Variants in ESPNL observed in about 807,000 individuals in gnomAD.
ESPNL encodes espin-like protein.
ESPNL carries 49 observed loss-of-function variants against 46.8 expected under a neutral mutation model. That is an observed-to-expected ratio of 1.05 (90% CI 0.83 to 1.33). The LOEUF (loss-of-function observed/expected upper bound fraction) is 1.33, where lower values mean the gene tolerates loss of function less well. ESPNL is among the 40% of genes most tolerant of loss of function. ESPNL has a pLI of 0.00. For missense variants in ESPNL, 1,540 were observed against 1,436.6 expected, an observed-to-expected ratio of 1.07 and a Z score of -1.16; for synonymous variants, 664 against 662.1, an observed-to-expected ratio of 1.00 and a Z score of -0.04.
At chr2:238,108,483 T>C (rs555540274) in intron 4 of ESPNL, among the ~76,000 whole-genome samples, 10 of 152,320 alleles carry the variant, frequency 6.6e-5, no homozygotes, top group African/African-American at 2.4e-4. Context: ...AGCCATCAGC[T>C]GCTGGCCCTG....
At chr2:238,126,192 GTCTGTGATTGTGTCTC>G (rs1330677300) in intron 6 of ESPNL, among the ~76,000 whole-genome samples, 2 of 145,840 alleles carry the variant, frequency 1.4e-5, no homozygotes, top group Non-Finnish European at 3.0e-5. Context: ...GTGTGATCGT[GTCTGTGATTGTGTCTC>G]TCTGTGATTG....
rs201531710 is a variant in ESPNL at position 238,131,466 on chromosome 2, G to A, written c.2752G>A (p.Gly918Ser). ...VAAGRRAWTD[G>S]FEDIKARFFG... is the part of the protein sequence containing the mutation. ...CGCCGGCCGCCGGGCCTGGACCGACGGCTTCGAGGACATCAAAGCCCGCTT... is the reference window on the plus strand; with the variant it reads ...CGCCGGCCGCCGGGCCTGGACCGACAGCTTCGAGGACATCAAAGCCCGCTT... Residue 918 changes from glycine (G) to serine (S), a missense_variant, in exon 9 of 9, where the codon GGC becomes AGC. Coordinates refer to ENST00000343063, the MANE Select transcript of ESPNL (RefSeq NM_194312.4). The A allele has an allele frequency of 1.5e-4, 240 of 1,611,406 alleles. 1 individual carries two copies. In the Middle Eastern group the frequency reaches 2.5e-3, roughly 17 times the overall value.
Position 238,133,201 on chromosome 2 carries a change from C to G in ESPNL, c.*1469C>G, listed in dbSNP as rs1692382748. 1 of 152,264 alleles carries G rather than the reference C, an allele frequency of 6.6e-6. No individual in the cohort carries two copies. The highest frequency in any genetic ancestry group is 2.4e-5 in the African/African-American group (1 of 41,452). 9.4% of individuals were successfully genotyped at this position (152,264 alleles called of 1,614,324 possible). A position where few individuals can be genotyped will look rare whatever the true frequency, so the allele number is the denominator to read the frequency against. On this transcript the variant is annotated 3_prime_UTR_variant, in exon 9 of 9. Transcript: ENST00000343063. ...AAGGGCCTATCCTGCAGCCGGCCCG[C>G]TCCGGCTTCCTCCACTGCTGAAGAC... is the stretch of plus-strand genomic sequence containing the variant.
chr2:238,101,356 C>G (rs1459848993), intron 1 of ESPNL, among the ~76,000 whole-genome samples: 4 of 152,214 alleles, frequency 2.6e-5, no homozygotes, highest in Non-Finnish European at 5.9e-5. Context: ...TCCCCAGCAC[C>G]TGGCTCGCCA....
At chr2:238,104,518 C>CGCA (rs1039907698) in intron 2 of ESPNL, 138 bp from the exon 3 acceptor site, 7 of 1,017,452 alleles carry the variant, frequency 6.9e-6, no homozygotes, top group Middle Eastern at 3.3e-4. Flanking sequence ...GGGGGAACCC[C>CGCA]GCAGCAGCAG....
At chr2:238,129,300 T>C (rs1688730325) in intron 8 of ESPNL, 2 of 1,038,344 alleles carry the variant, frequency 1.9e-6, no homozygotes, top group Non-Finnish European at 2.3e-6. Context: ...GGGACTATGA[T>C]ATATGGGTGC....
At chr2:238,125,098 A>T (rs1692074363) in intron 5 of ESPNL, among the ~76,000 whole-genome samples, 172 bp from the exon 6 acceptor site, 1 of 152,112 alleles carries the variant, frequency 6.6e-6, no homozygotes, top group Non-Finnish European at 1.5e-5. Context: ...TGACCCTGGG[A>T]CAGAACCCTG....
chr2:238,108,206 A>G, intron 4 of ESPNL, among the ~76,000 whole-genome samples: 1 of 152,192 alleles, frequency 6.6e-6, no homozygotes, highest in Admixed American at 6.5e-5. Context: ...CCCTTCGCGC[A>G]GAAACTCCCT....
At chr2:238,102,573 C>T (rs1053736716) in intron 2 of ESPNL, among the ~76,000 whole-genome samples, 1 of 152,180 alleles carries the variant, frequency 6.6e-6, no homozygotes, top group Non-Finnish European at 1.5e-5. Flanking sequence ...GCTGCCTCTG[C>T]ACTGCCCCAC....
rs778992263 is a variant in ESPNL at position 238,130,171 on chromosome 2, G to A, written c.1457G>A (p.Arg486Lys). ...GGCCCCACGGAGCAGGCGGCCTGGA[G>A]GTACTCACAGACTCATCAGGCCATC... Reference protein sequence around the residue: ...SSGPTEQAAWRYSQTHQAILG... With the variant: ...SSGPTEQAAWKYSQTHQAILG... Residue 486 changes from arginine to lysine, a missense_variant, in exon 9 of 9, where the codon AGG becomes AAG. Transcript: ENST00000343063. 4.3e-6 allele frequency: 7 copies of A among 1,612,968 alleles called. No individual in the cohort carries two copies. The highest frequency in any genetic ancestry group is 1.7e-4 in the Middle Eastern group (1 of 6,048).
intron 5 of ESPNL, among the ~76,000 whole-genome samples, chr2:238,118,374 AGGTGGATGGAGAAG>A (rs1419375192): frequency 1.0e-5 from 1 of 98,288 alleles, no homozygotes; most frequent in Non-Finnish European, 1.9e-5. Context: ...TGGATGGAGG[AGGTGGATGGAGAAG>A]GGTGGATGGA....
In ESPNL at chr2:238,127,666, C is replaced by A. The variant is rs1220828666; in HGVS notation, c.1147C>A (p.Leu383Ile). The change falls in exon 7 of 9, where the codon CTT becomes ATT. Residue 383 changes from leucine (L) to isoleucine (I), a missense_variant. By Grantham distance (5) the Leu-to-Ile change is conservative. Coordinates refer to ENST00000343063, the MANE Select transcript of ESPNL (RefSeq NM_194312.4). ...CTGGCCTGGCCATCCTGACCAGCCT[C>A]TTCCCAGGGAGCAGATGACCAGCCC... ...PAWPGHPDQP[L>I]PREQMTSPAP... 1 of 1,612,946 alleles carries A rather than the reference C, an allele frequency of 6.2e-7. No homozygotes were observed. Among genetic ancestry groups the A allele is most frequent in the East Asian group, 2.2e-5 (1 of 44,860 alleles).
intron 6 of ESPNL, 38 bp from the exon 7 acceptor site, chr2:238,127,584 C>T: frequency 6.4e-7 from 1 of 1,556,266 alleles, no homozygotes; most frequent in Non-Finnish European, 8.7e-7. Flanking sequence ...GCTCCCCAGC[C>T]CTTGCCCTTT....
chr2:238,122,728 CAG>C (rs1439269230), intron 5 of ESPNL, among the ~76,000 whole-genome samples: 2 of 152,188 alleles, frequency 1.3e-5, no homozygotes, highest in Non-Finnish European at 2.9e-5. Context: ...CAGGCAGGGG[CAG>C]AGAGGAGGCG....
rs982582188 is a variant in ESPNL at position 238,130,823 on chromosome 2, C to T, written c.2109C>T (p.Pro703=). The T allele has an allele frequency of 6.5e-7, 1 of 1,546,430 alleles. No individual in the cohort carries two copies. Among genetic ancestry groups the T allele is most frequent in the Non-Finnish European group, 8.7e-7 (1 of 1,149,070 alleles). ...KPRSGLASGE[P]RPGDTEEASD... ...GCAGTGGCCTGGCTTCAGGGGAGCC[C>T]AGGCCTGGCGACACAGAGGAGGCCA... Residue 703 remains proline, a synonymous_variant, in exon 9 of 9, where the codon CCC becomes CCT. Transcript: ENST00000343063.
chr2:238,116,561 C>T (rs989642077), intron 4 of ESPNL, among the ~76,000 whole-genome samples: 3 of 152,222 alleles, frequency 2.0e-5, no homozygotes, highest in African/African-American at 7.2e-5. Flanking sequence ...TGATCCACAC[C>T]TCCAAGGGTG....
At chr2:238,107,043 G>A (rs1691613393) in intron 3 of ESPNL, among the ~76,000 whole-genome samples, 1 of 152,268 alleles carries the variant, frequency 6.6e-6, no homozygotes, top group Admixed American at 6.5e-5. Flanking sequence ...ACTCAAGGCA[G>A]GAAGGAGGGT....
chr2:238,110,858 A>G (rs1337065668), intron 4 of ESPNL, among the ~76,000 whole-genome samples: 2 of 152,226 alleles, frequency 1.3e-5, no homozygotes, highest in East Asian at 1.9e-4. Flanking sequence ...ATAAAATGTC[A>G]AAACAATGAG....
intron 3 of ESPNL, among the ~76,000 whole-genome samples, chr2:238,106,204 G>A (rs1045148787): frequency 3.9e-5 from 6 of 152,232 alleles, no homozygotes; most frequent in South Asian, 2.1e-4. Context: ...CACCTGGCAC[G>A]CAGTCAGGCT....
Sources: gnomAD v4.1 joint callset for allele counts (sites outside exome capture counted in the v4.1 genomes callset) on GRCh38, gnomAD v4.1.1 for gene constraint, MANE v1.5 for transcripts, NCBI Gene and HGNC (gene_info 2026-07-23, HGNC 2026-07-21) for gene names.